TAPBPL: variants seen among roughly 807,000 people sequenced by gnomAD.
The protein encoded by TAPBPL is tapasin-related protein.
Under a neutral mutation model 44.8 loss-of-function variants are expected in TAPBPL, and 32 were observed. That is an observed-to-expected ratio of 0.71 (90% CI 0.54 to 0.96). The LOEUF is 0.96. Ranked by LOEUF, TAPBPL falls within the 40% of genes least tolerant of loss-of-function variation. The pLI, the probability that TAPBPL is intolerant of heterozygous loss-of-function variation, is 0.00. For synonymous variants in TAPBPL, 230 were observed against 240.7 expected (o/e 0.96, Z 0.41); for missense variants, 520 against 586.6 (o/e 0.89, Z 1.17).
downstream of TAPBPL, chr12:6,466,338 G>A: frequency 2.5e-6 from 4 of 1,613,670 alleles, no homozygotes; most frequent in East Asian, 2.2e-5. Flanking sequence ...GCAGGTGGCT[G>A]AGCTGGAGCA....
chr12:6,452,677 A>C, intron 1 of TAPBPL: 1 of 1,149,826 alleles, frequency 8.7e-7, no homozygotes, highest in Non-Finnish European at 1.1e-6. Context: ...GCTACCCGAA[A>C]TGGGAGAAAG....
intron 1 of TAPBPL, 149 bp from the exon 2 acceptor site, chr12:6,452,918 A>T: frequency 2.4e-6 from 2 of 834,918 alleles, no homozygotes; most frequent in Non-Finnish European, 3.7e-6. Context: ...TTTGGGGATG[A>T]CGGGAGAATA....
intron 5 of TAPBPL, among the ~76,000 whole-genome samples, chr12:6,459,251 A>C (rs1023705823): frequency 4.6e-5 from 7 of 152,208 alleles, no homozygotes; most frequent in African/African-American, 1.7e-4. Context: ...TAGAGACAAG[A>C]CTAAGTAGAC....
At chr12:6,464,807 TC>T, downstream of TAPBPL, 1 of 1,602,068 alleles carries the variant, frequency 6.2e-7, no homozygotes. Flanking sequence ...GCAGCCCCAC[TC>T]CCCAGGCAGG....
intron 3 of TAPBPL, among the ~76,000 whole-genome samples, chr12:6,455,516 T>C (rs769240286): frequency 6.6e-6 from 1 of 152,244 alleles, no homozygotes; most frequent in African/African-American, 2.4e-5. Flanking sequence ...ATTCTGAATA[T>C]TATCAGTGAT....
chr12:6,464,743 C>T, downstream of TAPBPL: 1 of 1,520,250 alleles, frequency 6.6e-7, no homozygotes, highest in Non-Finnish European at 8.8e-7. Flanking sequence ...TGCCCTTCCC[C>T]CGTCCCGAAC....
At chr12:6,462,427 C>G (rs532404500), downstream of TAPBPL, 3 of 486,900 alleles carry the variant, frequency 6.2e-6, no homozygotes, top group Middle Eastern at 1.1e-3. Context: ...CATGGCAAAC[C>G]GAAGAACGGG....
At chr12:6,459,756 A>G (rs910989984) in intron 5 of TAPBPL, among the ~76,000 whole-genome samples, 4 of 138,726 alleles carry the variant, frequency 2.9e-5, no homozygotes, top group South Asian at 2.2e-4. Context: ...TTATTTATTT[A>G]TTTATTTATT....
chr12:6,466,448 T>C, downstream of TAPBPL: 1 of 1,403,806 alleles, frequency 7.1e-7, no homozygotes, highest in Non-Finnish European at 9.6e-7. Flanking sequence ...CTCAAGAGGC[T>C]GAAGTGGGAG....
At chr12:6,464,601 C>CA, downstream of TAPBPL, 1 of 1,458,818 alleles carries the variant, frequency 6.9e-7, no homozygotes, top group South Asian at 1.5e-5. Flanking sequence ...TTAAGTGCCC[C>CA]ATCCCCATGG....
At chr12:6,463,581 T>C (rs1220578166), downstream of TAPBPL, 2 of 1,064,430 alleles carry the variant, frequency 1.9e-6, no homozygotes, top group African/African-American at 1.7e-5. The surrounding 1 kb of genome is among the most constrained non-coding windows in gnomAD (Gnocchi z 4.0). Context: ...AATTAAGCAC[T>C]TGACTCACTG....
intron 1 of TAPBPL, chr12:6,452,628 A>G (rs369764363): frequency 7.7e-7 from 1 of 1,293,934 alleles, no homozygotes; most frequent in African/African-American, 1.5e-5. Flanking sequence ...AGGTGAGGAA[A>G]TCACTTGGAA....
At chr12:6,463,599 A>G (rs1011259406), downstream of TAPBPL, 5 of 1,077,874 alleles carry the variant, frequency 4.6e-6, no homozygotes, top group Admixed American at 9.9e-5. The surrounding 1 kb of genome is among the most constrained non-coding windows in gnomAD (Gnocchi z 4.0). Flanking sequence ...CTGTTTCTCT[A>G]TAACTAACAG....
chr12:6,465,008 G>A, downstream of TAPBPL: 1 of 1,601,578 alleles, frequency 6.2e-7, no homozygotes. Context: ...CACATCTCTA[G>A]TGGGAAACAG....
chr12:6,464,408 A>G (rs1487109275), downstream of TAPBPL: 4 of 1,558,054 alleles, frequency 2.6e-6, no homozygotes, highest in Admixed American at 5.8e-5. Flanking sequence ...TGAGAGAGCA[A>G]ACAGAGGGCA....
downstream of TAPBPL, chr12:6,470,416 G>T: frequency 6.6e-7 from 1 of 1,503,858 alleles, no homozygotes; most frequent in Non-Finnish European, 9.1e-7. Context: ...CGCGGTGGTA[G>T]TTCCCCGCGT....
chr12:6,462,919 T>G (rs1247322084), downstream of TAPBPL: 3 of 1,566,466 alleles, frequency 1.9e-6, no homozygotes, highest in Non-Finnish European at 2.6e-6. Flanking sequence ...GAAATGCTGC[T>G]GCATGGAAAG....
At chr12:6,471,568 C>T in the TAPBPL span, among the ~76,000 whole-genome samples, 1 of 152,186 alleles carries the variant, frequency 6.6e-6, no homozygotes. This position sits in a 1 kb window ranked among gnomAD's most constrained non-coding sequence, Gnocchi z 4.0. Context: ...TGGCTCACAC[C>T]TGTAATCCCA....
At chr12:6,462,685 A>C (rs1369382652), downstream of TAPBPL, 2 of 875,138 alleles carry the variant, frequency 2.3e-6, no homozygotes, top group Non-Finnish European at 3.5e-6. Flanking sequence ...AAGAGGACGG[A>C]TTCGCTCCAG....
Sources: allele counts gnomAD v4.1 joint callset (sites outside exome capture counted in the v4.1 genomes callset), GRCh38; gene constraint gnomAD v4.1.1; non-coding constraint Gnocchi (gnomAD v3.1); transcripts MANE v1.5; gene names NCBI Gene and HGNC (gene_info 2026-07-23, HGNC 2026-07-21).